Variants in PLEKHB1 observed in about 807,000 individuals in gnomAD.
PLEKHB1 encodes pleckstrin homology domain-containing family B member 1.
In PLEKHB1, 29 loss-of-function variants were observed where a neutral mutation model predicts 36.2. That is an observed-to-expected ratio of 0.80 (90% CI 0.60 to 1.09). The LOEUF is 1.09. Among genes scored for constraint, PLEKHB1 ranks in the 50% least tolerant of loss-of-function variants. The pLI is 0.00. For missense variants in PLEKHB1, 330 were observed against 348.2 expected, an observed-to-expected ratio of 0.95 and a Z score of 0.42; for synonymous variants, 138 against 140.0, an observed-to-expected ratio of 0.99 and a Z score of 0.10.
intron 6 of PLEKHB1, among the ~76,000 whole-genome samples, chr11:73,658,211 T>A (rs746317200): frequency 1.3e-5 from 2 of 152,192 alleles, no homozygotes; most frequent in African/African-American, 2.4e-5. Flanking sequence ...ATGCTTGAGT[T>A]GAGTCTGAAA....
rs1156377012 is a variant in PLEKHB1 at position 73,661,083 on chromosome 11, C to A, written c.595+231C>A. ...TGGGATGGCTCCTCAGCCCTGCGGT[C>A]GGCAATACCCATTCCTGAGCCGGTA... On this transcript the variant is annotated intron_variant, in intron 7 of 7. Transcript: ENST00000354190. This position sits in a 1 kb window ranked among gnomAD's most constrained non-coding sequence, Gnocchi z 4.6. 1.3e-5 allele frequency among the ~76,000 whole-genome samples: 2 copies of A among 152,248 alleles called. No individual in the cohort carries two copies. The highest frequency in any genetic ancestry group is 2.9e-5 in the Non-Finnish European group (2 of 68,046).
At chr11:73,658,290 G>A (rs955984408) in intron 6 of PLEKHB1, among the ~76,000 whole-genome samples, 1 of 152,168 alleles carries the variant, frequency 6.6e-6, no homozygotes, top group Non-Finnish European at 1.5e-5. Flanking sequence ...GAAATCACAA[G>A]GTGTGCTTGG....
At chr11:73,647,762 T>C in intron 1 of PLEKHB1, 3 of 974,794 alleles carry the variant, frequency 3.1e-6, no homozygotes, top group Non-Finnish European at 3.6e-6. Flanking sequence ...GGGGAGGGGC[T>C]GGAAAAGGAG....
In PLEKHB1 at chr11:73,652,918, C is replaced by T. The variant is rs1944923530; in HGVS notation, c.351-57C>T. The T allele has an allele frequency of 4.1e-6, 6 of 1,473,036 alleles. No individual in the cohort carries two copies. The African/African-American group carries it at 6.9e-5, about 17-fold the overall frequency. The allele number at this position is 1,473,036 out of a possible 1,614,324, so 91.2% of individuals were successfully genotyped here. On this transcript the variant is annotated intron_variant, in intron 4 of 7. Coordinates refer to ENST00000354190, the MANE Select transcript of PLEKHB1 (RefSeq NM_021200.3). ...GAGAGGAAAGTCTAAAATGTGGGGG[C>T]CCAATTCACCCACCCCCAAACTCCC...
At chr11:73,660,966 T>A in intron 7 of PLEKHB1, 114 bp downstream of exon 7, 1 of 986,796 alleles carries the variant, frequency 1.0e-6, no homozygotes, top group Non-Finnish European at 1.5e-6. Context: ...GTGCACGGAT[T>A]TTCCCAGGCA....
chr11:73,647,519 G>T, intron 1 of PLEKHB1: 2 of 983,872 alleles, frequency 2.0e-6, no homozygotes, highest in Non-Finnish European at 2.4e-6. Flanking sequence ...ACAAGTCCCA[G>T]TACGCCTCGG....
At chr11:73,650,516 G>A (rs1243543462) in intron 2 of PLEKHB1, 37 bp from the exon 3 acceptor site, 5 of 1,569,890 alleles carry the variant, frequency 3.2e-6, no homozygotes, top group East Asian at 2.3e-5. Context: ...GCAGGCTCTG[G>A]GATCAGCCTG....
chr11:73,660,659 A>G, intron 6 of PLEKHB1, 94 bp from the exon 7 acceptor site: 1 of 1,230,958 alleles, frequency 8.1e-7, no homozygotes, highest in African/African-American at 1.5e-5. Flanking sequence ...AGGTGGCTCC[A>G]TGGATCCCAG....
intron 3 of PLEKHB1, 117 bp downstream of exon 3, chr11:73,650,822 T>C: frequency 8.1e-7 from 1 of 1,242,108 alleles, no homozygotes; most frequent in East Asian, 2.6e-5. Flanking sequence ...TTCACAGACA[T>C]TGCTTCTGAG....
chr11:73,659,855 AAC>A (rs1369932127), intron 6 of PLEKHB1, among the ~76,000 whole-genome samples: 1 of 152,194 alleles, frequency 6.6e-6, no homozygotes, highest in African/African-American at 2.4e-5. Context: ...GAGGTGGTGT[AAC>A]ACACGTGATC....
chr11:73,651,711 C>A, intron 3 of PLEKHB1, 77 bp from the exon 4 acceptor site: 1 of 1,179,708 alleles, frequency 8.5e-7, no homozygotes, highest in East Asian at 2.5e-5. Flanking sequence ...AAGTCAATTC[C>A]TATTCCTGTC....
chr11:73,651,766 A>C (rs1259402825), intron 3 of PLEKHB1, 22 bp from the exon 4 acceptor site: 1 of 1,601,924 alleles, frequency 6.2e-7, no homozygotes, highest in Non-Finnish European at 8.5e-7. Flanking sequence ...GTGGAAACCC[A>C]TATATGTGTG....
Position 73,661,919 on chromosome 11 carries a change from T to G in PLEKHB1, c.*317T>G. The G allele has an allele frequency of 3.4e-6, 1 of 295,192 alleles. No homozygotes were observed. Among genetic ancestry groups the G allele is most frequent in the African/African-American group, 2.2e-5 (1 of 45,844 alleles). The allele number at this position is 295,192 out of a possible 1,614,324, so 18.3% of individuals were successfully genotyped here. ...AAATACGACTTCATTTGGCTTCGAGTTCCCCAGGCGCTGTAGACACAACAT... is the reference window on the plus strand; with the variant it reads ...AAATACGACTTCATTTGGCTTCGAGGTCCCCAGGCGCTGTAGACACAACAT... On this transcript the variant is annotated 3_prime_UTR_variant, in exon 8 of 8. Coordinates refer to ENST00000354190, the MANE Select transcript of PLEKHB1 (RefSeq NM_021200.3). This position sits in a 1 kb window ranked among gnomAD's most constrained non-coding sequence, Gnocchi z 4.6.
At chr11:73,647,278 A>C (rs1380431952) in intron 1 of PLEKHB1, 1 of 152,200 alleles carries the variant, frequency 6.6e-6, no homozygotes. Context: ...GTTTCCATGT[A>C]ATCTCCCTCA....
At chr11:73,648,331 G>C (rs1183115879) in intron 1 of PLEKHB1, 1 of 153,238 alleles carries the variant, frequency 6.5e-6, no homozygotes, top group Non-Finnish European at 1.4e-5. Context: ...CAACTGACTG[G>C]ACCTTTCCGG....
rs779937728 is a variant in PLEKHB1 at position 73,655,803 on chromosome 11, G to A, written c.391G>A (p.Ala131Thr). Residue 131 changes from alanine to threonine, a missense_variant and splice_region_variant, in exon 6 of 8, where the codon GCC becomes ACC. Transcript: ENST00000354190. ...TCTTGGGTTTCTGTGGCTTGAGCAG[G>A]CCCCAGCTGGAGCCACCGTCCCTCC... is the stretch of plus-strand genomic sequence containing the variant. ...TALLEANSTP[A>T]PAGATVPPRS... 35 of 1,613,160 alleles carry A rather than the reference G, an allele frequency of 2.2e-5. No homozygotes were observed. The highest frequency in any genetic ancestry group is 3.3e-4 in the Middle Eastern group (2 of 6,062).
Position 73,661,733 on chromosome 11 carries a change from G to A in PLEKHB1, c.*131G>A. 8.5e-7 allele frequency: 1 copy of A among 1,183,010 alleles called. No homozygotes were observed. The allele number at this position is 1,183,010 out of a possible 1,614,324, so 73.3% of individuals were successfully genotyped here. On this transcript the variant is annotated 3_prime_UTR_variant, in exon 8 of 8. Transcript: ENST00000354190. The surrounding 1 kb of genome is among the most constrained non-coding windows in gnomAD (Gnocchi z 4.6). ...CTCTCCATTAGCTCCTTCCGGGTTT[G>A]GACCATTCCCCCCACTCCCTACCCT...
At chr11:73,648,925 G>A (rs574882465) in intron 1 of PLEKHB1, 87 bp from the exon 2 acceptor site, 1 of 1,516,960 alleles carries the variant, frequency 6.6e-7, no homozygotes, top group South Asian at 1.3e-5. Context: ...AACGTTTCCT[G>A]GGTGGCTCCC....
At chr11:73,658,306 T>C (rs1471693316) in intron 6 of PLEKHB1, among the ~76,000 whole-genome samples, 3 of 152,228 alleles carry the variant, frequency 2.0e-5, no homozygotes, top group Non-Finnish European at 4.4e-5. Context: ...CTTGGAGACC[T>C]TCCCCTTACC....
Sources: allele counts gnomAD v4.1 joint callset (sites outside exome capture counted in the v4.1 genomes callset), GRCh38; gene constraint gnomAD v4.1.1; non-coding constraint Gnocchi (gnomAD v3.1); transcripts MANE v1.5; gene names NCBI Gene and HGNC (gene_info 2026-07-23, HGNC 2026-07-21).